ALPK2: variants seen among roughly 807,000 people sequenced by gnomAD.
The protein encoded by ALPK2 is alpha-protein kinase 2.
ALPK2 carries 127 observed loss-of-function variants against 163.1 expected under a neutral mutation model. The ratio of observed to expected loss-of-function variants is 0.78; its 90% CI spans 0.67 to 0.90. The LOEUF is 0.90. Ranked by LOEUF, ALPK2 falls within the 40% of genes least tolerant of loss-of-function variation. ALPK2 has a pLI of 0.00. For synonymous variants in ALPK2, 953 were observed against 959.1 expected (o/e 0.99, Z 0.12); for missense variants, 2,360 against 2,589.6 (o/e 0.91, Z 1.92).
At position 58,538,134 on chromosome 18, in the gene ALPK2, C is replaced by T; in HGVS notation, c.2053G>A (p.Gly685Arg). ...EPAGEESPFT[G>R]TTTISFSNLG... ...TTTGAGAAGGAAATTGTTGTGGTCC[C>T]AGTGAATGGGGACTCCTCCCCAGCA... The change falls in exon 5 of 13, where the codon GGG becomes AGG. Residue 685 changes from glycine (G) to arginine (R), a missense_variant. Gly to Arg is a moderately radical substitution (Grantham distance 125). Transcript: ENST00000361673. 1 of 1,614,036 alleles carries T rather than the reference C, an allele frequency of 6.2e-7. No homozygotes were observed. Among genetic ancestry groups the T allele is most frequent in the South Asian group, 1.1e-5 (1 of 91,068 alleles).
At chr18:58,604,271 G>C (rs996199707) in intron 3 of ALPK2, among the ~76,000 whole-genome samples, 1 of 152,176 alleles carries the variant, frequency 6.6e-6, no homozygotes, top group Non-Finnish European at 1.5e-5. Flanking sequence ...GGGGTTGACG[G>C]TATATAGCAG....
intron 2 of ALPK2, 112 bp downstream of exon 2, chr18:58,611,577 A>G (rs897224984): frequency 2.1e-5 from 20 of 960,004 alleles, no homozygotes; most frequent in Non-Finnish European, 2.8e-5. Flanking sequence ...ACAGAAAAAA[A>G]AACTTCCAAG....
intron 4 of ALPK2, among the ~76,000 whole-genome samples, chr18:58,562,794 T>C (rs2051831721): frequency 6.6e-6 from 1 of 152,208 alleles, no homozygotes; most frequent in Non-Finnish European, 1.5e-5. Flanking sequence ...TGGTGAGGGT[T>C]CTCTTCCTGA....
chr18:58,591,887 C>T (rs943762817), intron 3 of ALPK2, among the ~76,000 whole-genome samples: 1 of 152,206 alleles, frequency 6.6e-6, no homozygotes, highest in African/African-American at 2.4e-5. Context: ...GAAAGTGAGG[C>T]TGGCCCAGGT....
At chr18:58,530,464 T>A (rs1277646563) in intron 5 of ALPK2, among the ~76,000 whole-genome samples, 1 of 152,232 alleles carries the variant, frequency 6.6e-6, no homozygotes. Context: ...AGGTTCACAA[T>A]GTCAAACTCT....
chr18:58,488,780 G>C (rs1322587821), intron 12 of ALPK2, among the ~76,000 whole-genome samples: 1 of 151,952 alleles, frequency 6.6e-6, no homozygotes, highest in Non-Finnish European at 1.5e-5. Flanking sequence ...CCATGGTCTG[G>C]TGTGTGATGT....
chr18:58,536,981 G>A lies in ALPK2; in HGVS notation c.3206C>T (p.Thr1069Ile), dbSNP rs1476004647. 1 of 1,614,186 alleles carries A rather than the reference G, an allele frequency of 6.2e-7. No individual in the cohort carries two copies. The highest frequency in any genetic ancestry group is 8.5e-7 in the Non-Finnish European group (1 of 1,180,024). ...GGGTGCCCTGCAAAGTAGCTCTTTT[G>A]TAGATTTGATGGTAGCACCACTTAA... ...HILSGATIKS[T>I]KELLCRAPSV... Residue 1069 changes from threonine to isoleucine, a missense_variant, in exon 5 of 13, where the codon ACA becomes ATA. Physicochemically the swap from Thr to Ile is moderately conservative, Grantham distance 89. Coordinates refer to ENST00000361673, the MANE Select transcript of ALPK2 (RefSeq NM_052947.4).
chr18:58,596,294 C>T (rs2052040895), intron 3 of ALPK2, among the ~76,000 whole-genome samples: 1 of 152,202 alleles, frequency 6.6e-6, no homozygotes, highest in Admixed American at 6.5e-5. Flanking sequence ...TCCTGTGTCC[C>T]TCTCTATCTC....
intron 8 of ALPK2, among the ~76,000 whole-genome samples, chr18:58,521,625 C>CTTT (rs1375364902): frequency 4.0e-5 from 2 of 50,590 alleles, no homozygotes; most frequent in African/African-American, 7.1e-5. Context: ...CTTTCTCTCT[C>CTTT]TCTTTTTTTT....
At chr18:58,623,800 T>C (rs1357780843) in intron 1 of ALPK2, among the ~76,000 whole-genome samples, 2 of 152,242 alleles carry the variant, frequency 1.3e-5, no homozygotes, top group East Asian at 3.8e-4. Context: ...AGGACTGTTC[T>C]GTGGAAGAAC....
At chr18:58,505,474 C>T (rs957397859) in intron 10 of ALPK2, among the ~76,000 whole-genome samples, 2 of 152,172 alleles carry the variant, frequency 1.3e-5, no homozygotes, top group Non-Finnish European at 2.9e-5. Flanking sequence ...GCCATCCCTG[C>T]TCCATCCTGA....
intron 12 of ALPK2, among the ~76,000 whole-genome samples, chr18:58,490,502 A>C (rs2051368375): frequency 1.3e-5 from 2 of 150,364 alleles, no homozygotes; most frequent in South Asian, 2.1e-4. Context: ...GGTTCCTGGC[A>C]CTCTCTGCCT....
intron 4 of ALPK2, among the ~76,000 whole-genome samples, chr18:58,573,382 G>GTATATATATATGTGTGTGTA (rs2051899916): frequency 7.2e-6 from 1 of 138,588 alleles, no homozygotes; most frequent in African/African-American, 2.6e-5. Flanking sequence ...ATATGTGTGT[G>GTATATATATATGTGTGTGTA]TATATATATA....
In ALPK2 at chr18:58,537,773, T is replaced by C; in HGVS notation, c.2414A>G (p.Glu805Gly). ...PRDREAVCAM[E>G]CFEAGDQGTC... ...TCCTTGGTCACCAGCCTCAAAACAC[T>C]CCATTGCACACACTGCTTCTCTGTC... The change falls in exon 5 of 13, where the codon GAG (glutamate) becomes GGG (glycine). Residue 805 changes from glutamate (E) to glycine (G), a missense_variant. Glu to Gly is a moderately conservative substitution (Grantham distance 98). Coordinates refer to ENST00000361673, the MANE Select transcript of ALPK2 (RefSeq NM_052947.4). 1 of 1,614,116 alleles carries C rather than the reference T, an allele frequency of 6.2e-7. No homozygotes were observed. The highest frequency in any genetic ancestry group is 8.5e-7 in the Non-Finnish European group (1 of 1,180,004).
chr18:58,504,086 T>C lies in ALPK2; in HGVS notation c.6092A>G (p.Glu2031Gly). 1 of 1,614,104 alleles carries C rather than the reference T, an allele frequency of 6.2e-7. No homozygotes were observed. The highest frequency in any genetic ancestry group is 1.1e-5 in the South Asian group (1 of 91,072). ...ENNIPYATVE[E>G]ELIGEFVKYS... ...CTTCACAAATTCTCCAATCAGCTCC[T>C]CCTCCACTGTAGCATACGGGATATT... The change falls in exon 11 of 13, where the codon GAG becomes GGG. Residue 2031 changes from glutamate to glycine, a missense_variant. Coordinates refer to ENST00000361673, the MANE Select transcript of ALPK2 (RefSeq NM_052947.4).
chr18:58,605,245 T>A (rs1301283255), intron 3 of ALPK2, among the ~76,000 whole-genome samples: 2 of 152,064 alleles, frequency 1.3e-5, no homozygotes, highest in Non-Finnish European at 2.9e-5. Context: ...AACTATGCTA[T>A]TTTTTTTAAA....
intron 6 of ALPK2, among the ~76,000 whole-genome samples, chr18:58,524,916 A>G (rs2051576251): frequency 6.9e-6 from 1 of 145,232 alleles, no homozygotes; most frequent in African/African-American, 2.5e-5. Flanking sequence ...CCACATATTT[A>G]TTCCAAAGTC....
intron 1 of ALPK2, among the ~76,000 whole-genome samples, chr18:58,622,984 G>A (rs371780142): frequency 3.3e-5 from 5 of 152,054 alleles, no homozygotes; most frequent in South Asian, 2.1e-4. Flanking sequence ...CCCGCCCCCC[G>A]ACAGAAATAA....
At chr18:58,547,920 G>A (rs1372252704) in intron 4 of ALPK2, among the ~76,000 whole-genome samples, 1 of 152,150 alleles carries the variant, frequency 6.6e-6, no homozygotes. Context: ...TCTTAGTCAG[G>A]TTCTAGGAGA....
Sources: gnomAD v4.1 joint callset for allele counts (sites outside exome capture counted in the v4.1 genomes callset) on GRCh38, gnomAD v4.1.1 for gene constraint, MANE v1.5 for transcripts, NCBI Gene and HGNC (gene_info 2026-07-23, HGNC 2026-07-21) for gene names.